CORO2A: variants seen among roughly 807,000 people sequenced by gnomAD.
CORO2A encodes the protein coronin-2A.
Under a neutral mutation model 62.4 loss-of-function variants are expected in CORO2A, and 47 were observed. That is an observed-to-expected ratio of 0.75 (90% CI 0.60 to 0.96). The LOEUF (loss-of-function observed/expected upper bound fraction) is 0.96, where lower values mean the gene tolerates loss of function less well. CORO2A is among the 40% of genes least tolerant of loss of function. The pLI is 0.00. For missense variants in CORO2A, 610 were observed against 684.1 expected (o/e 0.89, Z 1.21); for synonymous variants, 273 against 268.9 (o/e 1.02, Z -0.15).
At chr9:98,190,562 A>AT (rs1828294130) in intron 1 of CORO2A, among the ~76,000 whole-genome samples, 1 of 152,070 alleles carries the variant, frequency 6.6e-6, no homozygotes. Flanking sequence ...GCGACAGGGG[A>AT]TGCCTATCTG....
At chr9:98,130,922 C>T in intron 7 of CORO2A, 33 bp downstream of exon 7, 1 of 1,574,294 alleles carries the variant, frequency 6.4e-7, no homozygotes, top group Non-Finnish European at 8.7e-7. Flanking sequence ...CTCAGGGGTC[C>T]AGGAGGTCAC....
rs778811547 is a variant in CORO2A at position 98,121,205 on chromosome 9, G to A, written c.*3569C>T. 87 of 152,100 alleles carry A rather than the reference G, an allele frequency of 5.7e-4. No individual in the cohort carries two copies. Among genetic ancestry groups the A allele is most frequent in the Admixed American group, 8.5e-4 (13 of 15,272 alleles). 9.4% of individuals were successfully genotyped at this position (152,100 alleles called of 1,614,324 possible). A position where few individuals can be genotyped will look rare whatever the true frequency, so the allele number is the denominator to read the frequency against. The stretch of plus-strand genomic sequence containing the variant: ...CTTCTATGATACAATCTCAAGTTTT[G>A]TTTCAGGAAGCACAATTATTGTAGC... On this transcript the variant is annotated 3_prime_UTR_variant, in exon 12 of 12. Transcript: ENST00000375077.
chr9:98,157,734 A>ATGTACTCTTAAGATG, intron 1 of CORO2A, 74 bp from the exon 2 acceptor site: 1 of 1,349,224 alleles, frequency 7.4e-7, no homozygotes, highest in Non-Finnish European at 1.0e-6. Context: ...CTCTCATCTT[A>ATGTACTCTTAAGATG]AGAGTACATA....
At chr9:98,162,043 G>C (rs553884188) in intron 1 of CORO2A, among the ~76,000 whole-genome samples, 1 of 152,310 alleles carries the variant, frequency 6.6e-6, no homozygotes, top group East Asian at 1.9e-4. Flanking sequence ...CTTACAAGCT[G>C]CCAGGCGCCA....
At chr9:98,133,287 C>A in intron 4 of CORO2A, 70 bp from the exon 5 acceptor site, 2 of 1,491,080 alleles carry the variant, frequency 1.3e-6, no homozygotes, top group Non-Finnish European at 1.8e-6. Context: ...TACATGCTGG[C>A]CAGGATGCAG....
rs1030352116 is a variant in CORO2A at position 98,121,029 on chromosome 9, T to G, written c.*3745A>C. On this transcript the variant is annotated 3_prime_UTR_variant, in exon 12 of 12. Coordinates refer to ENST00000375077, the MANE Select transcript of CORO2A (RefSeq NM_052820.4). ...TTTGTTACATTATTTCCATTGCATA[T>G]TCCACATCTATTTATTTTCACTTTT... 2 of 152,244 alleles carry G rather than the reference T, an allele frequency of 1.3e-5. No individual in the cohort carries two copies. The highest frequency in any genetic ancestry group is 4.8e-5 in the African/African-American group (2 of 41,476). 9.4% of individuals were successfully genotyped at this position (152,244 alleles called of 1,614,324 possible). A position where few individuals can be genotyped will look rare whatever the true frequency, so the allele number is the denominator to read the frequency against.
At chr9:98,185,860 TC>T (rs1828232991) in intron 1 of CORO2A, among the ~76,000 whole-genome samples, 1 of 152,184 alleles carries the variant, frequency 6.6e-6, no homozygotes, top group African/African-American at 2.4e-5. Flanking sequence ...CAGGGCTGCA[TC>T]CCTGGCAGCA....
chr9:98,188,435 T>C (rs979684543), intron 1 of CORO2A, among the ~76,000 whole-genome samples: 1 of 152,224 alleles, frequency 6.6e-6, no homozygotes, highest in Admixed American at 6.6e-5. Context: ...TTTTGTTTAA[T>C]ATCAGCGCCT....
intron 1 of CORO2A, among the ~76,000 whole-genome samples, chr9:98,185,229 T>A (rs990402045): frequency 1.6e-4 from 25 of 152,186 alleles, no homozygotes; most frequent in African/African-American, 5.8e-4. Flanking sequence ...TGGGCTTCCC[T>A]ATGATAACTG....
At chr9:98,158,194 C>T (rs761675795) in intron 1 of CORO2A, among the ~76,000 whole-genome samples, 1 of 152,162 alleles carries the variant, frequency 6.6e-6, no homozygotes, top group East Asian at 1.9e-4. Flanking sequence ...GCCTGTAATC[C>T]CAGCATTTTG....
At chr9:98,181,703 G>A (rs376852992) in intron 1 of CORO2A, among the ~76,000 whole-genome samples, 57 of 152,020 alleles carry the variant, frequency 3.7e-4, no homozygotes, top group African/African-American at 1.0e-3. Flanking sequence ...CCTATGCAGC[G>A]TGCCTCCCTC....
chr9:98,159,542 C>T (rs563478486), intron 1 of CORO2A, among the ~76,000 whole-genome samples: 33 of 151,604 alleles, frequency 2.2e-4, no homozygotes, highest in African/African-American at 3.1e-4. Context: ...GCTCTTTGCC[C>T]GTCCCTCTCC....
At chr9:98,177,570 G>A (rs1007377985) in intron 1 of CORO2A, among the ~76,000 whole-genome samples, 3 of 145,750 alleles carry the variant, frequency 2.1e-5, no homozygotes, top group Non-Finnish European at 4.4e-5. Context: ...AGATTCAAGC[G>A]ATTCTCCTGC....
In CORO2A at chr9:98,174,531, C is replaced by T. The variant is rs1362295161; in HGVS notation, c.1-16871G>A. Among the ~76,000 whole-genome samples the T allele has an allele frequency of 3.3e-5, 5 of 152,224 alleles. No homozygotes were observed. In the East Asian group the frequency reaches 5.8e-4, roughly 18 times the overall value. On this transcript the variant is annotated intron_variant, in intron 1 of 11. Coordinates refer to ENST00000375077, the MANE Select transcript of CORO2A (RefSeq NM_052820.4). Reference sequence around the variant, plus strand: ...ATGGTGATATGGTTTGGCTCTGTGTCCCCACCCAAATCTCATCTTGAATTG... The same window carrying T: ...ATGGTGATATGGTTTGGCTCTGTGTTCCCACCCAAATCTCATCTTGAATTG...
rs144237592 is a variant in CORO2A, at chr9:98,170,920, C to T, written c.1-13260G>A. The stretch of plus-strand genomic sequence containing the variant: ...CCAGACACACACAGGACCACAAGGG[C>T]GACAGAGCTGTCCAGCCATCAGCTG... On this transcript the variant is annotated intron_variant, in intron 1 of 11. Transcript: ENST00000375077. Among the ~76,000 whole-genome samples the T allele has an allele frequency of 1.2e-4, 19 of 152,292 alleles. No homozygotes were observed. The East Asian group carries it at 2.5e-3, about 20-fold the overall frequency.
intron 1 of CORO2A, chr9:98,172,521 GA>G (rs1363888471): frequency 2.8e-5 from 4 of 140,520 alleles, no homozygotes. Flanking sequence ...CCCCACTTCT[GA>G]GATCGACCCC....
chr9:98,163,119 C>T (rs1264405877), intron 1 of CORO2A, among the ~76,000 whole-genome samples: 2 of 152,236 alleles, frequency 1.3e-5, no homozygotes, highest in African/African-American at 2.4e-5. Context: ...GATTAGGCTC[C>T]GGGGCCTGTG....
intron 1 of CORO2A, among the ~76,000 whole-genome samples, chr9:98,189,870 T>C (rs1564223298): frequency 6.9e-6 from 1 of 145,656 alleles, no homozygotes; most frequent in Non-Finnish European, 1.5e-5. Context: ...ACTTCTTCAC[T>C]AGACGGCAAC....
At chr9:98,191,589 T>C (rs1178385757) in intron 1 of CORO2A, among the ~76,000 whole-genome samples, 1 of 152,154 alleles carries the variant, frequency 6.6e-6, no homozygotes, top group African/African-American at 2.4e-5. Context: ...GTGAGATTCC[T>C]ATCACAAGGA....
Sources: gnomAD v4.1 joint callset for allele counts (sites outside exome capture counted in the v4.1 genomes callset) on GRCh38, gnomAD v4.1.1 for gene constraint, MANE v1.5 for transcripts, NCBI Gene and HGNC (gene_info 2026-07-23, HGNC 2026-07-21) for gene names.